CSMD3: variants seen among roughly 807,000 people sequenced by gnomAD.
CSMD3 encodes the protein CUB and sushi domain-containing protein 3.
Under a neutral mutation model 435.2 loss-of-function variants are expected in CSMD3, and 177 were observed. The ratio of observed to expected loss-of-function variants is 0.41; its 90% CI spans 0.36 to 0.46. CSMD3 has a LOEUF of 0.46. CSMD3 is among the 20% of genes least tolerant of loss of function. The pLI, the probability that CSMD3 is intolerant of heterozygous loss-of-function variation, is 0.34. For missense variants in CSMD3, 4,265 were observed against 4,504.6 expected (o/e 0.95, Z 1.52); for synonymous variants, 1,656 against 1,520.5 (o/e 1.09, Z -2.07).
chr8:113,241,025 A>G (rs1237506446), intron 3 of CSMD3, among the ~76,000 whole-genome samples: 1 of 152,114 alleles, frequency 6.6e-6, no homozygotes, highest in Non-Finnish European at 1.5e-5. Context: ...GTAGAAACAT[A>G]TTATCAAGAT....
intron 27 of CSMD3, among the ~76,000 whole-genome samples, chr8:112,544,726 T>G (rs1042344694): frequency 1.3e-5 from 2 of 152,248 alleles, no homozygotes; most frequent in Non-Finnish European, 2.9e-5. Context: ...GATTGGTTTT[T>G]GTAGAATCCT....
intron 1 of CSMD3, among the ~76,000 whole-genome samples, chr8:113,332,914 G>A (rs2094039181): frequency 6.6e-6 from 1 of 151,642 alleles, no homozygotes; most frequent in Non-Finnish European, 1.5e-5. Flanking sequence ...CATGGTACTG[G>A]TGGCATAAAG....
chr8:113,047,566 T>C (rs2087889891), intron 5 of CSMD3, among the ~76,000 whole-genome samples: 1 of 152,212 alleles, frequency 6.6e-6, no homozygotes, highest in Admixed American at 6.5e-5. Context: ...TGTTGAACAA[T>C]TAAATCCCAG....
chr8:112,606,967 G>A (rs1157163357), intron 22 of CSMD3, among the ~76,000 whole-genome samples: 2 of 51,226 alleles, frequency 3.9e-5, no homozygotes, highest in Non-Finnish European at 3.4e-5. Flanking sequence ...TACCCCTCAA[G>A]CTATGAAAAA....
intron 36 of CSMD3, among the ~76,000 whole-genome samples, chr8:112,384,540 A>G (rs943766995): frequency 6.6e-6 from 1 of 152,226 alleles, no homozygotes; most frequent in Non-Finnish European, 1.5e-5. Context: ...GAGGAAGGAA[A>G]GGAATAACTT....
At chr8:112,736,558 T>C (rs2077189223) in intron 13 of CSMD3, among the ~76,000 whole-genome samples, 1 of 152,020 alleles carries the variant, frequency 6.6e-6, no homozygotes, top group Non-Finnish European at 1.5e-5. Flanking sequence ...GCTTCAGGAT[T>C]CCCCTAATCT....
At chr8:112,556,089 G>T (rs1369081173) in intron 25 of CSMD3, among the ~76,000 whole-genome samples, 1 of 151,798 alleles carries the variant, frequency 6.6e-6, no homozygotes, top group African/African-American at 2.4e-5. Context: ...ACACCTACTT[G>T]GTCTTTAGAG....
chr8:112,249,166 C>T (rs1475250088), intron 63 of CSMD3, among the ~76,000 whole-genome samples: 5 of 152,086 alleles, frequency 3.3e-5, no homozygotes. Context: ...TTAATAGTGT[C>T]ACTTGTCACT....
chr8:112,902,011 GCC>G (rs974003049), intron 10 of CSMD3, among the ~76,000 whole-genome samples: 4 of 151,206 alleles, frequency 2.6e-5, no homozygotes, highest in Non-Finnish European at 4.4e-5. Flanking sequence ...TATTGTGAAT[GCC>G]CATATAATGT....
At chr8:112,942,686 A>G (rs183659356) in intron 9 of CSMD3, among the ~76,000 whole-genome samples, 38 of 151,848 alleles carry the variant, frequency 2.5e-4, no homozygotes, top group Admixed American at 7.2e-4. Context: ...CAAAGAAGGG[A>G]AAAACAGTCA....
intron 3 of CSMD3, among the ~76,000 whole-genome samples, chr8:113,188,584 G>T (rs978363635): frequency 6.6e-6 from 1 of 151,942 alleles, no homozygotes; most frequent in Non-Finnish European, 1.5e-5. Context: ...TGCCCTTCTA[G>T]AGTAATGCTC....
intron 12 of CSMD3, among the ~76,000 whole-genome samples, chr8:112,814,238 A>G (rs1246700706): frequency 6.6e-6 from 1 of 152,194 alleles, no homozygotes. Context: ...GATTGAATAG[A>G]GGAACAGAAG....
chr8:112,340,979 G>C (rs541351300), intron 42 of CSMD3, among the ~76,000 whole-genome samples: 4 of 151,990 alleles, frequency 2.6e-5, no homozygotes, highest in Admixed American at 1.3e-4. Context: ...CAGTAGTTCT[G>C]TTTGAGAGAT....
At chr8:112,334,840 A>AATAGT (rs1311951064) in intron 45 of CSMD3, among the ~76,000 whole-genome samples, 1 of 152,208 alleles carries the variant, frequency 6.6e-6, no homozygotes, top group Non-Finnish European at 1.5e-5. Flanking sequence ...AATGATCTGG[A>AATAGT]ATAGTCACTT....
chr8:112,602,566 C>T (rs78936416), intron 22 of CSMD3, among the ~76,000 whole-genome samples: 1 of 125,082 alleles, frequency 8.0e-6, no homozygotes, highest in African/African-American at 2.8e-5. Context: ...AACTCTGTCT[C>T]AAAAAAAAAA....
intron 19 of CSMD3, among the ~76,000 whole-genome samples, chr8:112,649,791 G>A (rs553089453): frequency 1.3e-5 from 2 of 152,264 alleles, no homozygotes; most frequent in African/African-American, 4.8e-5. Context: ...GGGACATGTT[G>A]CCATTCAAGG....
At chr8:112,725,205 G>C (rs181703221) in intron 13 of CSMD3, among the ~76,000 whole-genome samples, 34 of 151,872 alleles carry the variant, frequency 2.2e-4, no homozygotes, top group African/African-American at 8.0e-4. Flanking sequence ...TCATAGTCCC[G>C]TAAAGATAGA....
chr8:112,469,174 A>G (rs1408975107), intron 32 of CSMD3, among the ~76,000 whole-genome samples: 2 of 151,550 alleles, frequency 1.3e-5, no homozygotes, highest in Admixed American at 1.3e-4. Context: ...AAAAAAAAAA[A>G]AAAAAAAAGT....
At chr8:112,865,870 A>AGTG (rs2080966559) in intron 10 of CSMD3, among the ~76,000 whole-genome samples, 4 of 152,144 alleles carry the variant, frequency 2.6e-5, no homozygotes, top group Non-Finnish European at 5.9e-5. Context: ...TGAGTGAGCA[A>AGTG]ATGATTAAAA....
Sources: allele counts gnomAD v4.1 joint callset (sites outside exome capture counted in the v4.1 genomes callset), GRCh38; gene constraint gnomAD v4.1.1; transcripts MANE v1.5; gene names NCBI Gene and HGNC (gene_info 2026-07-23, HGNC 2026-07-21).